Variants in CDH12 observed in about 807,000 individuals in gnomAD.
CDH12 encodes cadherin-12.
A neutral mutation model predicts 74.1 loss-of-function variants in CDH12; 41 were observed. The ratio of observed to expected loss-of-function variants is 0.55; its 90% confidence interval spans 0.43 to 0.72. The LOEUF is 0.72. Ranked by LOEUF, CDH12 falls within the 30% of genes least tolerant of loss-of-function variation. CDH12 has a pLI of 0.00. For synonymous variants in CDH12, 399 were observed against 355.0 expected, an observed-to-expected ratio of 1.12 and a Z score of -1.39; for missense variants, 945 against 977.2, an observed-to-expected ratio of 0.97 and a Z score of 0.44.
intron 3 of CDH12, among the ~76,000 whole-genome samples, chr5:22,314,252 G>A (rs1265416691): frequency 6.6e-6 from 1 of 152,140 alleles, no homozygotes; most frequent in East Asian, 1.9e-4. Context: ...TGTTTAGGTT[G>A]AATTGAGTAC....
intron 5 of CDH12, among the ~76,000 whole-genome samples, chr5:21,975,997 G>A: frequency 6.6e-6 from 1 of 152,016 alleles, no homozygotes; most frequent in Non-Finnish European, 1.5e-5. Context: ...TAGTGCAAAG[G>A]AACTCAGAAA....
At chr5:22,363,295 T>C (rs1740898177) in intron 3 of CDH12, among the ~76,000 whole-genome samples, 1 of 152,138 alleles carries the variant, frequency 6.6e-6, no homozygotes, top group Non-Finnish European at 1.5e-5. Context: ...AAGAAATGCA[T>C]GTGGTCTTTC....
chr5:22,595,458 A>G (rs915359392), intron 1 of CDH12, among the ~76,000 whole-genome samples: 2 of 152,224 alleles, frequency 1.3e-5, no homozygotes, highest in African/African-American at 4.8e-5. Flanking sequence ...TTTGATCATT[A>G]TAGTAATGTT....
chr5:22,186,920 T>C (rs964670731), intron 4 of CDH12, among the ~76,000 whole-genome samples: 1 of 152,176 alleles, frequency 6.6e-6, no homozygotes, highest in African/African-American at 2.4e-5. Flanking sequence ...GAAATATTAA[T>C]GAAAAATATC....
chr5:22,740,423 T>TA (rs71609777), intron 1 of CDH12, among the ~76,000 whole-genome samples: 2,470 of 144,056 alleles, frequency 0.017, 80 homozygotes, highest in African/African-American at 0.059. Context: ...ATTCATTAGG[T>TA]AAAAAAAAAA....
intron 3 of CDH12, among the ~76,000 whole-genome samples, chr5:22,388,533 TG>T (rs1742098367): frequency 6.6e-6 from 1 of 152,012 alleles, no homozygotes; most frequent in Non-Finnish European, 1.5e-5. Context: ...ATTCAAGGCA[TG>T]AAAAAAAGAC....
At chr5:21,943,278 G>A (rs1755420642) in intron 6 of CDH12, among the ~76,000 whole-genome samples, 2 of 152,042 alleles carry the variant, frequency 1.3e-5, no homozygotes, top group Non-Finnish European at 2.9e-5. Flanking sequence ...CTTTATATAA[G>A]ATATACTTGT....
intron 1 of CDH12, among the ~76,000 whole-genome samples, chr5:22,826,167 G>C (rs1736313771): frequency 6.6e-6 from 1 of 152,090 alleles, no homozygotes; most frequent in African/African-American, 2.4e-5. Flanking sequence ...TTATGGGGCT[G>C]GGTCTTTCTT....
chr5:22,796,712 G>A (rs1748240166), intron 1 of CDH12, among the ~76,000 whole-genome samples: 1 of 135,848 alleles, frequency 7.4e-6, no homozygotes, highest in Non-Finnish European at 1.5e-5. Flanking sequence ...AGTAGAGACG[G>A]GGTTTCACCG....
rs186218757 is a variant in CDH12 at position 22,700,034 on chromosome 5, C to T, written c.-523+153024G>A. ...TACAAAAATTAGCTGCATATGTTGG[C>T]GCATGCCTGTAATCTCAGCTATGTC... On this transcript the variant is annotated intron_variant, in intron 1 of 14. Transcript: ENST00000382254. Among the ~76,000 whole-genome samples, 505 of 152,032 alleles carry T rather than the reference C, an allele frequency of 3.3e-3. 2 individuals carry two copies. The highest frequency in any genetic ancestry group is 0.011 in the African/African-American group (474 of 41,444).
intron 6 of CDH12, among the ~76,000 whole-genome samples, chr5:21,872,153 C>T (rs186031247): frequency 0.01 from 1,582 of 152,258 alleles, 17 homozygotes; most frequent in Non-Finnish European, 0.017. Flanking sequence ...CTTAACACCC[C>T]GACCTTGCTC....
At chr5:22,072,309 A>G (rs1741998039) in intron 5 of CDH12, among the ~76,000 whole-genome samples, 1 of 152,006 alleles carries the variant, frequency 6.6e-6, no homozygotes, top group Non-Finnish European at 1.5e-5. Context: ...TTACACTCTG[A>G]CCATCTGACT....
rs202238665 is a variant in CDH12, at chr5:22,315,393, T to C, written c.-333+89864A>G. On this transcript the variant is annotated intron_variant, in intron 3 of 14. Transcript: ENST00000382254. ...TTTTGTGACGATGAGTTTATTTTTA[T>C]ATGAAGGTGTCTATTCATTTCTATA... Among the ~76,000 whole-genome samples, 43 of 152,124 alleles carry C rather than the reference T, an allele frequency of 2.8e-4. 1 individual carries two copies. In the East Asian group the frequency reaches 6.0e-3, roughly 21 times the overall value.
intron 4 of CDH12, among the ~76,000 whole-genome samples, chr5:22,111,219 A>C (rs1351723155): frequency 6.6e-6 from 1 of 152,104 alleles, no homozygotes; most frequent in Non-Finnish European, 1.5e-5. Flanking sequence ...ACCACTATGG[A>C]GGTAACACTC....
At chr5:21,866,020 C>A (rs1751308552) in intron 6 of CDH12, among the ~76,000 whole-genome samples, 1 of 152,158 alleles carries the variant, frequency 6.6e-6, no homozygotes, top group Non-Finnish European at 1.5e-5. Context: ...TTCATGAGAT[C>A]TGATGGTTTT....
intron 2 of CDH12, among the ~76,000 whole-genome samples, chr5:22,422,388 A>T (rs1333277226): frequency 6.6e-6 from 1 of 152,026 alleles, no homozygotes; most frequent in African/African-American, 2.4e-5. Context: ...TATGAATCGC[A>T]TTTATTAATT....
At chr5:21,876,488 C>G (rs1751946425) in intron 6 of CDH12, among the ~76,000 whole-genome samples, 1 of 152,176 alleles carries the variant, frequency 6.6e-6, no homozygotes, top group Non-Finnish European at 1.5e-5. Flanking sequence ...CAGGATAAAT[C>G]TGGAGGACAT....
chr5:22,656,034 A>G (rs1740016533), intron 1 of CDH12, among the ~76,000 whole-genome samples: 1 of 152,102 alleles, frequency 6.6e-6, no homozygotes, highest in Admixed American at 6.6e-5. Context: ...ATCAAAGTAA[A>G]ATTTATTTAT....
intron 1 of CDH12, among the ~76,000 whole-genome samples, chr5:22,792,902 T>G (rs540195171): frequency 1.2e-4 from 18 of 152,348 alleles, no homozygotes; most frequent in East Asian, 5.8e-4. Context: ...GGAAATAATG[T>G]GCATAAAGCA....
Sources: gnomAD v4.1 joint callset for allele counts (sites outside exome capture counted in the v4.1 genomes callset) on GRCh38, gnomAD v4.1.1 for gene constraint, MANE v1.5 for transcripts, NCBI Gene and HGNC (gene_info 2026-07-23, HGNC 2026-07-21) for gene names.